The following DCDC2 variants were observed in gnomAD, a reference collection of about 807,000 sequenced individuals.
The protein encoded by DCDC2 is doublecortin domain containing 2, also known as doublecortin domain-containing protein 2.
DCDC2 carries 40 observed loss-of-function variants against 50.2 expected under a neutral mutation model. That is an observed-to-expected ratio of 0.80 (90% CI 0.62 to 1.04). The LOEUF is 1.04. Among genes scored for constraint, DCDC2 ranks in the 50% least tolerant of loss-of-function variants. DCDC2 has a pLI of 0.00. For missense variants in DCDC2, 570 were observed against 581.9 expected (o/e 0.98, Z 0.21); for synonymous variants, 234 against 210.6 (o/e 1.11, Z -0.96).
the DCDC2 span, among the ~76,000 whole-genome samples, chr6:24,381,839 G>GAAGGAAGGAAGGAAGA: frequency 7.1e-6 from 1 of 140,620 alleles, no homozygotes; most frequent in Non-Finnish European, 1.5e-5. Flanking sequence ...AGGAAGGAAG[G>GAAGGAAGGAAGGAAGA]AAGGAAGGAA....
In DCDC2 at chr6:24,178,324, A is replaced by G. The variant is rs530158986; in HGVS notation, c.1326+6T>C. 12 of 1,611,320 alleles carry G rather than the reference A, an allele frequency of 7.4e-6. No individual in the cohort carries two copies. In the South Asian group the frequency reaches 8.8e-5, roughly 12 times the overall value. ...TCACATAAGCAAGCAAAAGCAATAG[A>G]AATACCTCATCTTGTCCACTGCCAG... On this transcript the variant is annotated splice_donor_region_variant and intron_variant, in intron 9 of 9. Transcript: ENST00000378454.
intron 7 of DCDC2, among the ~76,000 whole-genome samples, chr6:24,236,963 T>C (rs182024349): frequency 1.3e-5 from 2 of 151,524 alleles, no homozygotes; most frequent in East Asian, 3.9e-4. Flanking sequence ...GAGCCAAGAT[T>C]GCACAATTGC....
rs915937728 is a variant in DCDC2 at position 24,277,793 on chromosome 6, G to GA, written c.922+255dup. 3.9e-5 allele frequency among the ~76,000 whole-genome samples: 5 copies of GA among 128,804 alleles called. No individual in the cohort carries two copies. The South Asian group carries it at 8.7e-4, about 22-fold the overall frequency. The allele number at this position is 128,804 out of a possible 152,430, so 84.5% of individuals were successfully genotyped here. A position where few individuals can be genotyped will look rare whatever the true frequency, so the allele number is the denominator to read the frequency against. On this transcript the variant is annotated intron_variant, in intron 7 of 9. Transcript: ENST00000378454. Reference sequence around the variant, plus strand: ...AGCAATATCAGTGGGAGCAGAGGATGAAAAAAACATACTTTTAAAATAAGA... The same window carrying GA: ...AGCAATATCAGTGGGAGCAGAGGATGAAAAAAAACATACTTTTAAAATAAGA...
intron 2 of DCDC2, among the ~76,000 whole-genome samples, chr6:24,312,126 C>T (rs1161640325): frequency 6.6e-6 from 1 of 151,390 alleles, no homozygotes; most frequent in Non-Finnish European, 1.5e-5. Context: ...CCTTGTGACC[C>T]CCACCCCCGC....
At chr6:24,206,907 A>G (rs952810487) in intron 7 of DCDC2, among the ~76,000 whole-genome samples, 1 of 152,156 alleles carries the variant, frequency 6.6e-6, no homozygotes, top group Non-Finnish European at 1.5e-5. Flanking sequence ...TTATCAGTGA[A>G]CCAAAATGTT....
At chr6:24,374,206 T>C in the DCDC2 span, among the ~76,000 whole-genome samples, 1 of 140,534 alleles carries the variant, frequency 7.1e-6, no homozygotes, top group African/African-American at 2.7e-5. Context: ...GGGAGAAGAG[T>C]GCATAAGTTG....
At chr6:24,237,540 A>G (rs1391198066) in intron 7 of DCDC2, among the ~76,000 whole-genome samples, 1 of 152,236 alleles carries the variant, frequency 6.6e-6, no homozygotes, top group Non-Finnish European at 1.5e-5. Flanking sequence ...AAATAGAACT[A>G]TAATTGAAAC....
chr6:24,265,381 A>T (rs1296027284), intron 7 of DCDC2, among the ~76,000 whole-genome samples: 1 of 152,230 alleles, frequency 6.6e-6, no homozygotes, highest in East Asian at 1.9e-4. Flanking sequence ...AAATTAACAA[A>T]GAAACACTGG....
rs1174243916 is a variant in DCDC2, at chr6:24,301,615, G to A, written c.557+100C>T. 3 of 1,433,110 alleles carry A rather than the reference G, an allele frequency of 2.1e-6. No individual in the cohort carries two copies. The East Asian group carries it at 6.8e-5, about 33-fold the overall frequency. The allele number at this position is 1,433,110 out of a possible 1,614,324, so 88.8% of individuals were successfully genotyped here. On this transcript the variant is annotated intron_variant, in intron 4 of 9. Coordinates refer to ENST00000378454, the MANE Select transcript of DCDC2 (RefSeq NM_016356.5). ...CTGAGGCATACGGGGCCTAACTGGG[G>A]AGCCAAAATTCAAATCCACAGACCA...
intron 2 of DCDC2, among the ~76,000 whole-genome samples, chr6:24,306,242 C>G (rs1056502185): frequency 4.6e-5 from 7 of 151,960 alleles, no homozygotes; most frequent in African/African-American, 1.7e-4. Flanking sequence ...GGTAAGTTAT[C>G]ATTGCAAAAT....
intron 8 of DCDC2, among the ~76,000 whole-genome samples, chr6:24,197,640 G>T (rs793854): frequency 6.6e-6 from 1 of 152,118 alleles, no homozygotes; most frequent in African/African-American, 2.4e-5. Flanking sequence ...TTTTTACCAC[G>T]TTAGGCTTTT....
chr6:24,371,382 T>C, the DCDC2 span, among the ~76,000 whole-genome samples: 2 of 151,460 alleles, frequency 1.3e-5, no homozygotes, highest in African/African-American at 4.9e-5. Flanking sequence ...GGCAGGTGGA[T>C]TGTTTGAGCT....
At chr6:24,382,013 C>A in the DCDC2 span, among the ~76,000 whole-genome samples, 27,403 of 89,120 alleles carry the variant, frequency 0.31, 2,819 homozygotes, top group African/African-American at 0.34. Context: ...GGAAGGAAGG[C>A]AGGCAAGCTA....
intron 8 of DCDC2, among the ~76,000 whole-genome samples, chr6:24,189,680 A>G (rs759002508): frequency 6.6e-6 from 1 of 152,182 alleles, no homozygotes; most frequent in Non-Finnish European, 1.5e-5. Context: ...ATCCTGTCTC[A>G]CCACCCAACC....
intron 7 of DCDC2, among the ~76,000 whole-genome samples, chr6:24,212,153 C>A (rs566961051): frequency 6.6e-6 from 1 of 152,174 alleles, no homozygotes; most frequent in Non-Finnish European, 1.5e-5. Flanking sequence ...GAGAGTCTAA[C>A]TAATGTCTCA....
intron 1 of DCDC2, among the ~76,000 whole-genome samples, chr6:24,354,962 T>C (rs922602603): frequency 6.6e-6 from 1 of 152,200 alleles, no homozygotes; most frequent in African/African-American, 2.4e-5. Flanking sequence ...AGGGTCTAAA[T>C]GAAAGCCCAC....
chr6:24,180,481 G>C (rs957561567), intron 8 of DCDC2, among the ~76,000 whole-genome samples: 1 of 151,880 alleles, frequency 6.6e-6, no homozygotes, highest in East Asian at 1.9e-4. Context: ...GTGGAGACGG[G>C]GTTTCACCAT....
Position 24,200,046 on chromosome 6 carries a change from A to G in DCDC2, c.1023+4956T>C, listed in dbSNP as rs187744588. 1.8e-4 allele frequency among the ~76,000 whole-genome samples: 28 copies of G among 152,346 alleles called. No homozygotes were observed. The East Asian group carries it at 4.4e-3, about 24-fold the overall frequency. ...AACCTACAACTGATTGGAGTCCCTA[A>G]AAGTGATAGGGAGAATGAAACCAAG... On this transcript the variant is annotated intron_variant, in intron 8 of 9. Coordinates refer to ENST00000378454, the MANE Select transcript of DCDC2 (RefSeq NM_016356.5).
rs1010401437 is a variant in DCDC2, at chr6:24,235,425, A to G, written c.923-30323T>C. On this transcript the variant is annotated intron_variant, in intron 7 of 9. Coordinates refer to ENST00000378454, the MANE Select transcript of DCDC2 (RefSeq NM_016356.5). ...AAAATACTAACAAACCAAATCCAGC[A>G]GCACATCAAAAGGTTAATTCACCAC... Among the ~76,000 whole-genome samples the G allele has an allele frequency of 6.6e-5, 10 of 152,390 alleles. No individual in the cohort carries two copies. In the East Asian group the frequency reaches 1.5e-3, roughly 23 times the overall value.
Sources: allele counts gnomAD v4.1 joint callset (sites outside exome capture counted in the v4.1 genomes callset), GRCh38; gene constraint gnomAD v4.1.1; transcripts MANE v1.5; gene names NCBI Gene and HGNC (gene_info 2026-07-23, HGNC 2026-07-21).